The following FOCAD variants were observed in gnomAD, a reference collection of about 807,000 sequenced individuals.
The protein encoded by FOCAD is KIAA1797.
Under a neutral mutation model 225.6 loss-of-function variants are expected in FOCAD, and 198 were observed. That is an observed-to-expected ratio of 0.88 (90% CI 0.78 to 0.99). The LOEUF (loss-of-function observed/expected upper bound fraction) is 0.99, where lower values mean the gene tolerates loss of function less well. Ranked by LOEUF, FOCAD falls within the 50% of genes least tolerant of loss-of-function variation. The probability of loss-of-function intolerance (pLI) is 0.00; values close to 1 mark genes in which losing one functional copy is unlikely to be tolerated. For missense variants in FOCAD, 2,713 were observed against 2,123.6 expected, an observed-to-expected ratio of 1.28 and a Z score of -5.46; for synonymous variants, 897 against 755.0, an observed-to-expected ratio of 1.19 and a Z score of -3.08.
intron 21 of FOCAD, among the ~76,000 whole-genome samples, chr9:20,901,191 AATGTGTGTGTGTGTGTGTGT>A (rs1448800976): frequency 7.6e-6 from 1 of 132,350 alleles, no homozygotes; most frequent in Non-Finnish European, 1.6e-5. Flanking sequence ...ATGTGGAAAC[AATGTGTGTGTGTGTGTGTGT>A]GTGTGTGTGT....
chr9:20,775,322 G>A (rs1818649442), intron 8 of FOCAD, among the ~76,000 whole-genome samples: 2 of 152,158 alleles, frequency 1.3e-5, no homozygotes, highest in Non-Finnish European at 2.9e-5. Flanking sequence ...CTCACTGGGA[G>A]GAGATTGGGT....
At chr9:20,882,302 C>T (rs1189030863) in intron 20 of FOCAD, among the ~76,000 whole-genome samples, 1 of 152,122 alleles carries the variant, frequency 6.6e-6, no homozygotes, top group African/African-American at 2.4e-5. Context: ...TGGGGGATAC[C>T]CACTCAGCCC....
intron 2 of FOCAD, among the ~76,000 whole-genome samples, chr9:20,667,227 GATCA>G (rs1384816247): frequency 1.3e-4 from 20 of 152,090 alleles, no homozygotes; most frequent in Middle Eastern, 3.4e-3. Flanking sequence ...TTATCATCTT[GATCA>G]ATTAAAAATT....
intron 8 of FOCAD, among the ~76,000 whole-genome samples, chr9:20,770,873 T>G (rs542984427): frequency 1.7e-4 from 26 of 152,342 alleles, no homozygotes; most frequent in Admixed American, 1.5e-3. Flanking sequence ...CTGTGACTTT[T>G]TTTTCATTTA....
intron 36 of FOCAD, 125 bp downstream of exon 36, chr9:20,976,673 G>T: frequency 9.5e-7 from 1 of 1,047,440 alleles, no homozygotes; most frequent in Non-Finnish European, 1.4e-6. Context: ...GGTTTGTCAT[G>T]TTGGATGGAA....
intron 12 of FOCAD, 65 bp downstream of exon 12, chr9:20,819,965 T>C: frequency 3.0e-6 from 3 of 1,013,944 alleles, no homozygotes; most frequent in Non-Finnish European, 4.3e-6. Flanking sequence ...TGAATTCTTT[T>C]TGGTATTATG....
chr9:20,665,978 T>G (rs1159773402), intron 2 of FOCAD, among the ~76,000 whole-genome samples: 1 of 152,088 alleles, frequency 6.6e-6, no homozygotes, highest in African/African-American at 2.4e-5. Flanking sequence ...CACTGCAACC[T>G]CCGCCTTCCA....
At chr9:20,766,158 A>G (rs891219701) in intron 7 of FOCAD, among the ~76,000 whole-genome samples, 3 of 152,160 alleles carry the variant, frequency 2.0e-5, no homozygotes, top group Admixed American at 1.3e-4. Flanking sequence ...GTTTGTCTTC[A>G]TCTTATGAAC....
chr9:20,773,184 C>T (rs1014829544), intron 8 of FOCAD, among the ~76,000 whole-genome samples: 6 of 152,120 alleles, frequency 3.9e-5, no homozygotes, highest in Admixed American at 2.6e-4. Flanking sequence ...AATTCTCTGA[C>T]CATTTTATTG....
chr9:20,918,843 T>C (rs1834106689), intron 24 of FOCAD, among the ~76,000 whole-genome samples: 2 of 152,120 alleles, frequency 1.3e-5, no homozygotes, highest in African/African-American at 2.4e-5. Flanking sequence ...GGCTGAGAGA[T>C]TGGTGATAGA....
At position 20,818,300 on chromosome 9, in the gene FOCAD, A is replaced by G. The variant is rs188242932; in HGVS notation, c.1456-1496A>G. ...ATCTCTTATTAGCTATATGGTTTGC[A>G]AATATTCTTTCCCATTCTGTACATT... On this transcript the variant is annotated intron_variant, in intron 11 of 43. Coordinates refer to ENST00000338382, the MANE Select transcript of FOCAD (RefSeq NM_001375567.1). 3.6e-3 allele frequency among the ~76,000 whole-genome samples: 543 copies of G among 152,160 alleles called. 7 individuals are homozygous for G. Among genetic ancestry groups the G allele is most frequent in the African/African-American group, 0.013 (525 of 41,514 alleles).
At chr9:20,854,348 T>G (rs1023360863) in intron 15 of FOCAD, among the ~76,000 whole-genome samples, 2 of 151,768 alleles carry the variant, frequency 1.3e-5, no homozygotes, top group Non-Finnish European at 3.0e-5. Flanking sequence ...TTTCAGTGTA[T>G]AAAGTAGGTG....
chr9:20,916,238 T>G (rs1475474996), intron 23 of FOCAD, among the ~76,000 whole-genome samples: 1 of 152,194 alleles, frequency 6.6e-6, no homozygotes, highest in Non-Finnish European at 1.5e-5. Flanking sequence ...CAAGTGGTTG[T>G]TTTTTACTTC....
chr9:20,846,283 A>G (rs1241279372), intron 15 of FOCAD, among the ~76,000 whole-genome samples: 1 of 151,866 alleles, frequency 6.6e-6, no homozygotes, highest in Non-Finnish European at 1.5e-5. Context: ...TGCCTTTTTC[A>G]CCTCCTGGAG....
intron 15 of FOCAD, among the ~76,000 whole-genome samples, chr9:20,858,667 A>C (rs1037533633): frequency 2.0e-5 from 3 of 151,962 alleles, no homozygotes; most frequent in African/African-American, 7.2e-5. Context: ...CTAGTTATTT[A>C]AGATGTATTG....
At chr9:20,985,859 T>G (rs1841105770) in intron 39 of FOCAD, among the ~76,000 whole-genome samples, 1 of 152,220 alleles carries the variant, frequency 6.6e-6, no homozygotes, top group African/African-American at 2.4e-5. Flanking sequence ...GGTGCTAACA[T>G]AAAAATAGTT....
chr9:20,976,486 G>A lies in FOCAD; in HGVS notation c.4199G>A (p.Ser1400Asn). 1 of 1,613,356 alleles carries A rather than the reference G, an allele frequency of 6.2e-7. No homozygotes were observed. The highest frequency in any genetic ancestry group is 8.5e-7 in the Non-Finnish European group (1 of 1,179,436). The change falls in exon 36 of 44, where the codon AGC becomes AAC. Residue 1400 changes from serine to asparagine, a missense_variant. By Grantham distance (46) the Ser-to-Asn change is conservative. Coordinates refer to ENST00000338382, the MANE Select transcript of FOCAD (RefSeq NM_001375567.1). The part of the protein sequence containing the change: ...VMKPIATVGE[S>N]YQYPPVNWAA... ...AAACCCATAGCAACTGTTGGAGAAA[G>A]CTACCAATATCCTCCTGTGAACTGG...
chr9:20,924,408 A>ACTAC (rs1834749240), intron 25 of FOCAD, among the ~76,000 whole-genome samples: 1 of 152,172 alleles, frequency 6.6e-6, no homozygotes, highest in Admixed American at 6.5e-5. Flanking sequence ...ACTTCCACTT[A>ACTAC]CTACCTCTAT....
At chr9:20,690,757 C>T (rs376784883) in intron 1 of FOCAD, among the ~76,000 whole-genome samples, 5 of 152,032 alleles carry the variant, frequency 3.3e-5, no homozygotes, top group African/African-American at 9.7e-5. Context: ...CCATGTTGCT[C>T]AGGCTGTTTT....
Sources: allele counts gnomAD v4.1 joint callset (sites outside exome capture counted in the v4.1 genomes callset), GRCh38; gene constraint gnomAD v4.1.1; transcripts MANE v1.5; gene names NCBI Gene and HGNC (gene_info 2026-07-23, HGNC 2026-07-21).